WASF2: variants seen among roughly 807,000 people sequenced by gnomAD.
WASF2 encodes the protein WASP family member 2.
WASF2 carries 14 observed loss-of-function variants against 45.0 expected under a neutral mutation model. The observed-to-expected ratio is 0.31, with a 90% CI of 0.21 to 0.49. The LOEUF (loss-of-function observed/expected upper bound fraction) is 0.49, where lower values mean the gene tolerates loss of function less well. WASF2 is among the 20% of genes least tolerant of loss of function. The pLI is 0.99. For missense variants in WASF2, 439 were observed against 636.1 expected (o/e 0.69, Z 3.33); for synonymous variants, 200 against 236.3 (o/e 0.85, Z 1.41).
At chr1:27,430,948 A>G (rs1226252575) in intron 1 of WASF2, among the ~76,000 whole-genome samples, 1 of 151,850 alleles carries the variant, frequency 6.6e-6, no homozygotes, top group Non-Finnish European at 1.5e-5. Context: ...ACCAAAAGAG[A>G]AAAAAAAATC....
intron 1 of WASF2, among the ~76,000 whole-genome samples, chr1:27,443,570 G>A (rs553732850): frequency 9.2e-5 from 14 of 151,678 alleles, no homozygotes; most frequent in African/African-American, 2.4e-4. Flanking sequence ...CCAAGACTGC[G>A]CCATTGCACT....
intron 1 of WASF2, among the ~76,000 whole-genome samples, chr1:27,484,388 A>G (rs2017894989): frequency 6.6e-6 from 1 of 152,236 alleles, no homozygotes; most frequent in Non-Finnish European, 1.5e-5. Context: ...TAAAATAAAA[A>G]TACTCAAAAT....
At chr1:27,435,221 C>T (rs944359384) in intron 1 of WASF2, among the ~76,000 whole-genome samples, 13 of 151,864 alleles carry the variant, frequency 8.6e-5, no homozygotes, top group Admixed American at 5.2e-4. Context: ...GTTGGGATTA[C>T]GGGCGTGAGC....
intron 1 of WASF2, among the ~76,000 whole-genome samples, chr1:27,458,723 G>A (rs549432674): frequency 2.0e-5 from 3 of 152,048 alleles, no homozygotes; most frequent in African/African-American, 7.2e-5. Context: ...AAACTGGGAG[G>A]TGGAGGTTGC....
At chr1:27,485,662 T>C (rs905551515) in intron 1 of WASF2, among the ~76,000 whole-genome samples, 3 of 152,220 alleles carry the variant, frequency 2.0e-5, no homozygotes, top group Non-Finnish European at 4.4e-5. Context: ...GACTTTGAAA[T>C]TAACTGGACT....
intron 1 of WASF2, among the ~76,000 whole-genome samples, chr1:27,430,939 C>T (rs903163061): frequency 6.6e-6 from 1 of 151,946 alleles, no homozygotes; most frequent in African/African-American, 2.4e-5. Context: ...TATTGTCTGA[C>T]CAAAAGAGAA....
chr1:27,452,943 C>T (rs1336970880), intron 1 of WASF2, among the ~76,000 whole-genome samples: 13 of 150,318 alleles, frequency 8.6e-5, no homozygotes, highest in African/African-American at 2.9e-4. Flanking sequence ...CGGTGGCTCA[C>T]GCCTGTAATC....
At chr1:27,488,388 C>A (rs921113557) in intron 1 of WASF2, among the ~76,000 whole-genome samples, 7 of 152,148 alleles carry the variant, frequency 4.6e-5, no homozygotes, top group African/African-American at 1.7e-4. Flanking sequence ...GGCTATTGAA[C>A]CTTTCACCCA....
At chr1:27,479,229 T>C (rs1407310298) in intron 1 of WASF2, among the ~76,000 whole-genome samples, 1 of 151,166 alleles carries the variant, frequency 6.6e-6, no homozygotes, top group Admixed American at 6.6e-5. Context: ...GAGGTTGCAG[T>C]GAGCCAAGAC....
chr1:27,483,895 G>T (rs1272309511), intron 1 of WASF2, among the ~76,000 whole-genome samples: 1 of 151,932 alleles, frequency 6.6e-6, no homozygotes, highest in Admixed American at 6.6e-5. Context: ...GGTTGAGGCT[G>T]CAGTGAGTGA....
rs561950550 is a variant in WASF2, at chr1:27,416,363, A to G, written c.420-261T>C. ...TGCATTGTCAGGGCAAGTACAGGTGATAGCAGCAGGGATCCTGATTACTTC... is the reference window on the plus strand; with the variant it reads ...TGCATTGTCAGGGCAAGTACAGGTGGTAGCAGCAGGGATCCTGATTACTTC... On this transcript the variant is annotated intron_variant, in intron 4 of 8. Transcript: ENST00000618852. Among the ~76,000 whole-genome samples the G allele has an allele frequency of 1.9e-3, 286 of 152,290 alleles. 5 individuals carry two copies. Among genetic ancestry groups the G allele is most frequent in the Non-Finnish European group, 4.1e-4 (28 of 68,016 alleles).
chr1:27,415,013 T>C, intron 5 of WASF2, 50 bp from the exon 6 acceptor site: 1 of 1,602,110 alleles, frequency 6.2e-7, no homozygotes, highest in Non-Finnish European at 8.5e-7. Context: ...TTCCAAGTTC[T>C]TCATTAAAAT....
intron 1 of WASF2, among the ~76,000 whole-genome samples, chr1:27,445,924 G>A (rs2017305044): frequency 6.7e-6 from 1 of 149,760 alleles, no homozygotes; most frequent in African/African-American, 2.5e-5. Context: ...CTTAATCTGT[G>A]TATGTATATT....
chr1:27,452,448 G>C (rs923386824), intron 1 of WASF2, among the ~76,000 whole-genome samples: 5 of 152,150 alleles, frequency 3.3e-5, no homozygotes, highest in Admixed American at 6.6e-5. Context: ...GGGAGGCAGA[G>C]GTTGCAGTGA....
rs2016691445 is a variant in WASF2, at chr1:27,407,288, TCC to T, written c.*899_*900del. 1 of 152,692 alleles carries T rather than the reference TCC, an allele frequency of 6.5e-6. No homozygotes were observed. Among genetic ancestry groups the T allele is most frequent in the Non-Finnish European group, 1.5e-5 (1 of 68,080 alleles). 9.5% of individuals were successfully genotyped at this position (152,692 alleles called of 1,614,324 possible). Reference sequence around the variant, plus strand: ...ATTGTGTGACCTTGAGCAAGTCACTTCCCATCTCTAGGCCTCAGCATCCTTAA... The same window carrying T: ...ATTGTGTGACCTTGAGCAAGTCACTTCATCTCTAGGCCTCAGCATCCTTAA... On this transcript the variant is annotated 3_prime_UTR_variant, in exon 9 of 9. Transcript: ENST00000618852.
chr1:27,421,261 T>C (rs1364398442), intron 2 of WASF2, among the ~76,000 whole-genome samples: 1 of 152,222 alleles, frequency 6.6e-6, no homozygotes, highest in Non-Finnish European at 1.5e-5. Context: ...ATGGCTAAGT[T>C]CCTATGAAAA....
chr1:27,409,685 A>C lies in WASF2; in HGVS notation c.1339+7T>G. ...TCCACAGTCCCAAACCCACCATTGAAATTTACCTTGACGGATGGCTGAAAG... is the reference window on the plus strand; with the variant it reads ...TCCACAGTCCCAAACCCACCATTGACATTTACCTTGACGGATGGCTGAAAG... On this transcript the variant is annotated splice_region_variant and intron_variant, in intron 8 of 8. Coordinates refer to ENST00000618852, the MANE Select transcript of WASF2 (RefSeq NM_006990.5). 1 of 1,491,420 alleles carries C rather than the reference A, an allele frequency of 6.7e-7. No individual in the cohort carries two copies. The highest frequency in any genetic ancestry group is 8.9e-7 in the Non-Finnish European group (1 of 1,119,884). The allele number at this position is 1,491,420 out of a possible 1,614,324, so 92.4% of individuals were successfully genotyped here.
chr1:27,480,786 G>A (rs946482665), intron 1 of WASF2, among the ~76,000 whole-genome samples: 3 of 152,072 alleles, frequency 2.0e-5, no homozygotes, highest in Admixed American at 6.6e-5. Flanking sequence ...AGGCCGAGGC[G>A]GGTGGAGGTC....
chr1:27,424,387 T>G (rs2016948442), intron 2 of WASF2, among the ~76,000 whole-genome samples: 1 of 152,230 alleles, frequency 6.6e-6, no homozygotes. Context: ...CCTACATTCT[T>G]TGTGCATCAA....
Sources: allele counts gnomAD v4.1 joint callset (sites outside exome capture counted in the v4.1 genomes callset), GRCh38; gene constraint gnomAD v4.1.1; transcripts MANE v1.5; gene names NCBI Gene and HGNC (gene_info 2026-07-23, HGNC 2026-07-21).